The following MYL2 variants were observed in gnomAD, a reference collection of about 807,000 sequenced individuals.
MYL2 encodes the protein myosin light chain 2, also known as myosin regulatory light chain 2, ventricular/cardiac muscle isoform.
MYL2 carries 19 observed loss-of-function variants against 23.0 expected under a neutral mutation model. The observed-to-expected ratio is 0.83, with a 90% CI of 0.58 to 1.21. MYL2 has a LOEUF of 1.21. MYL2 is among the 50% of genes most tolerant of loss of function. The pLI, the probability that MYL2 is intolerant of heterozygous loss-of-function variation, is 0.00. For synonymous variants in MYL2, 78 were observed against 76.2 expected (o/e 1.02, Z -0.13); for missense variants, 180 against 215.1 (o/e 0.84, Z 1.02).
rs2136777091 is a variant in MYL2, at chr12:110,918,945, C to A, written c.93+159G>T. The A allele has an allele frequency of 4.7e-6, 3 of 642,632 alleles. No individual in the cohort carries two copies. Among genetic ancestry groups the A allele is most frequent in the Non-Finnish European group, 8.3e-6 (3 of 363,590 alleles). 39.8% of individuals were successfully genotyped at this position (642,632 alleles called of 1,614,324 possible). On this transcript the variant is annotated intron_variant, in intron 2 of 6. Coordinates refer to ENST00000228841, the MANE Select transcript of MYL2 (RefSeq NM_000432.4). This position sits in a 1 kb window ranked among gnomAD's most constrained non-coding sequence, Gnocchi z 4.4. ...TCAGTGAAAATATTAAAAATAGTTT[C>A]TTTTAAAAATTCACACATCCGTTCA...
chr12:110,911,120 T>C lies in MYL2; in HGVS notation c.458A>G (p.Lys153Arg), dbSNP rs2071648560. Residue 153 changes from lysine to arginine, a missense_variant, in exon 7 of 7, where the codon AAG (lysine) becomes AGG (arginine). Physicochemically the swap from Lys to Arg is conservative, Grantham distance 26. Coordinates refer to ENST00000228841, the MANE Select transcript of MYL2 (RefSeq NM_000432.4). ...GTGGGTGATGATGTGCACCAGGTTC[T>C]TGTAGTCCAAGTTGCCAGTCACGTC... ...PPDVTGNLDY[K>R]NLVHIITHGE... is the part of the protein sequence containing the mutation. 3 of 1,614,010 alleles carry C rather than the reference T, an allele frequency of 1.9e-6. No individual in the cohort carries two copies. Among genetic ancestry groups the C allele is most frequent in the Non-Finnish European group, 2.5e-6 (3 of 1,179,992 alleles).
At position 110,913,000 on chromosome 12, in the gene MYL2, G is replaced by A. The variant is rs1035371234; in HGVS notation, c.402+96C>T. 1.2e-5 allele frequency: 16 copies of A among 1,300,536 alleles called. No individual in the cohort carries two copies. The African/African-American group carries it at 2.2e-4, about 18-fold the overall frequency. 80.6% of individuals were successfully genotyped at this position (1,300,536 alleles called of 1,614,324 possible). On this transcript the variant is annotated intron_variant, in intron 6 of 6. Coordinates refer to ENST00000228841, the MANE Select transcript of MYL2 (RefSeq NM_000432.4). Reference sequence around the variant, plus strand: ...ACGATAGCTGGTTCTCTGTCAGTGTGGGGTCAGGGGTGCTTTAGACGAGAG... The same window carrying A: ...ACGATAGCTGGTTCTCTGTCAGTGTAGGGTCAGGGGTGCTTTAGACGAGAG...
chr12:110,919,493 C>A (rs941766867), intron 1 of MYL2, among the ~76,000 whole-genome samples: 1 of 152,188 alleles, frequency 6.6e-6, no homozygotes, highest in Non-Finnish European at 1.5e-5. Flanking sequence ...GAGGCCACAC[C>A]TTCAGATCGC....
chr12:110,915,679 A>G lies in MYL2; in HGVS notation c.169+36T>C, dbSNP rs749453437. The G allele has an allele frequency of 2.5e-6, 4 of 1,597,104 alleles. No homozygotes were observed. In the South Asian group the frequency reaches 4.4e-5, roughly 18 times the overall value. On this transcript the variant is annotated intron_variant, in intron 3 of 6. Transcript: ENST00000228841. ...CCTGCTCCTCATGGATGTGAGATAA[A>G]GAGACCCTCATGCAGGGCTAGAGAG...
Position 110,918,650 on chromosome 12 carries a change from C to T in MYL2, c.93+454G>A, listed in dbSNP as rs2071701071. Reference sequence around the variant, plus strand: ...ATTATAAACAAATGTCATATTTAACCATAGGAAATGGTTTAAATACATGAT... The same window carrying T: ...ATTATAAACAAATGTCATATTTAACTATAGGAAATGGTTTAAATACATGAT... On this transcript the variant is annotated intron_variant, in intron 2 of 6. Transcript: ENST00000228841. This position sits in a 1 kb window ranked among gnomAD's most constrained non-coding sequence, Gnocchi z 4.4. 6.6e-6 allele frequency among the ~76,000 whole-genome samples: 1 copy of T among 151,804 alleles called. No individual in the cohort carries two copies. Among genetic ancestry groups the T allele is most frequent in the Non-Finnish European group, 1.5e-5 (1 of 67,958 alleles).
At position 110,920,575 on chromosome 12, in the gene MYL2, C is replaced by T. The variant is rs368048109; in HGVS notation, c.-46G>A. 93 of 1,613,936 alleles carry T rather than the reference C, an allele frequency of 5.8e-5. No homozygotes were observed. Among genetic ancestry groups the T allele is most frequent in the Admixed American group, 2.0e-4 (12 of 60,000 alleles). ...GCCTCCCGAGAAGAATTCCACACTC[C>T]GCCCAGCTCTCTGCAGCCCAGGAAC... is the stretch of plus-strand genomic sequence containing the variant. On this transcript the variant is annotated 5_prime_UTR_variant, in exon 1 of 7. Transcript: ENST00000228841.
At chr12:110,920,434 G>A (rs527972619) in intron 1 of MYL2, 93 bp downstream of exon 1, 13 of 1,586,768 alleles carry the variant, frequency 8.2e-6, no homozygotes, top group African/African-American at 1.3e-5. Flanking sequence ...TTTGAGGGCC[G>A]CCTTCCTCCC....
At position 110,918,882 on chromosome 12, in the gene MYL2, C is replaced by T; in HGVS notation, c.93+222G>A. 3.9e-5 allele frequency: 21 copies of T among 536,246 alleles called. No individual in the cohort carries two copies. Among genetic ancestry groups the T allele is most frequent in the South Asian group, 9.8e-5 (4 of 40,650 alleles). The allele number at this position is 536,246 out of a possible 1,614,324, so 33.2% of individuals were successfully genotyped here. On this transcript the variant is annotated intron_variant, in intron 2 of 6. Coordinates refer to ENST00000228841, the MANE Select transcript of MYL2 (RefSeq NM_000432.4). This position sits in a 1 kb window ranked among gnomAD's most constrained non-coding sequence, Gnocchi z 4.4. ...TTCTGTGCTTTTCTGAAAAATTTTCCAACATTTTTCAACATGGAATATGTT... is the reference window on the plus strand; with the variant it reads ...TTCTGTGCTTTTCTGAAAAATTTTCTAACATTTTTCAACATGGAATATGTT...
At chr12:110,912,298 G>GA (rs879354014) in intron 6 of MYL2, among the ~76,000 whole-genome samples, 1,603 of 144,194 alleles carry the variant, frequency 0.011, 25 homozygotes, top group African/African-American at 0.038. Context: ...CACCTGAGTT[G>GA]AAAAAAAAAA....
chr12:110,919,076 AG>A, intron 2 of MYL2, 27 bp downstream of exon 2: 1 of 1,602,440 alleles, frequency 6.2e-7, no homozygotes, highest in Non-Finnish European at 8.6e-7. Flanking sequence ...ATTTCCATCC[AG>A]GCGGATGATT....
chr12:110,919,061 G>A, intron 2 of MYL2, 43 bp downstream of exon 2: 1 of 1,575,890 alleles, frequency 6.3e-7, no homozygotes. Flanking sequence ...TCCCTCGTGG[G>A]TGGGATTTCC....
chr12:110,919,113 T>C lies in MYL2; in HGVS notation c.84A>G (p.Glu28=), dbSNP rs397516410. The change falls in exon 2 of 7, where the codon GAA becomes GAG. Residue 28 remains glutamate (E), a synonymous_variant. Coordinates refer to ENST00000228841, the MANE Select transcript of MYL2 (RefSeq NM_000432.4). ...CAATAGCTGCACCCACCTCCTTAAA[T>C]TCCTGGATTTGGGTCTGTTCGAACA... ...FSMFEQTQIQ[E]FKEAFTIMDQ... is the part of the protein sequence containing the mutation. 1 of 1,613,950 alleles carries C rather than the reference T, an allele frequency of 6.2e-7. No homozygotes were observed. Among genetic ancestry groups the C allele is most frequent in the Non-Finnish European group, 8.5e-7 (1 of 1,179,974 alleles).
chr12:110,913,635 T>G (rs11065769), intron 4 of MYL2, among the ~76,000 whole-genome samples: 11,107 of 152,222 alleles, frequency 0.073, 518 homozygotes, highest in East Asian at 0.21. Context: ...TGTAAACTGG[T>G]GATAAGAATA....
intron 6 of MYL2, among the ~76,000 whole-genome samples, chr12:110,912,335 A>C (rs2071658630): frequency 1.3e-5 from 2 of 151,968 alleles, no homozygotes; most frequent in South Asian, 4.1e-4. Context: ...CTTTACTGCC[A>C]GTTCTGGAAA....
upstream of MYL2, among the ~76,000 whole-genome samples, chr12:110,921,113 C>T (rs1367348900): frequency 1.3e-5 from 2 of 152,228 alleles, no homozygotes; most frequent in African/African-American, 2.4e-5. Flanking sequence ...AATCCCAGCA[C>T]GGCGGGAGGC....
chr12:110,918,877 T>G lies in MYL2; in HGVS notation c.93+227A>C. 2 of 548,830 alleles carry G rather than the reference T, an allele frequency of 3.6e-6. No homozygotes were observed. The highest frequency in any genetic ancestry group is 6.5e-6 in the Non-Finnish European group (2 of 309,088). 34.0% of individuals were successfully genotyped at this position (548,830 alleles called of 1,614,324 possible). A position where few individuals can be genotyped will look rare whatever the true frequency, so the allele number is the denominator to read the frequency against. On this transcript the variant is annotated intron_variant, in intron 2 of 6. Coordinates refer to ENST00000228841, the MANE Select transcript of MYL2 (RefSeq NM_000432.4). This position sits in a 1 kb window ranked among gnomAD's most constrained non-coding sequence, Gnocchi z 4.4. ...TCCTTTTCTGTGCTTTTCTGAAAAATTTTCCAACATTTTTCAACATGGAAT... is the reference window on the plus strand; with the variant it reads ...TCCTTTTCTGTGCTTTTCTGAAAAAGTTTCCAACATTTTTCAACATGGAAT...
chr12:110,919,072 A>G (rs762479350), intron 2 of MYL2, 32 bp downstream of exon 2: 2 of 1,603,512 alleles, frequency 1.2e-6, no homozygotes, highest in South Asian at 1.1e-5. Context: ...TGGGATTTCC[A>G]TCCAGGCGGA....
Position 110,913,147 on chromosome 12 carries a change from G to C in MYL2, c.354-3C>G, listed in dbSNP as rs758158083. The C allele has an allele frequency of 6.2e-7, 1 of 1,614,226 alleles. No homozygotes were observed. The highest frequency in any genetic ancestry group is 1.7e-5 in the Admixed American group (1 of 60,030). On this transcript the variant is annotated splice_region_variant and splice_polypyrimidine_tract_variant and intron_variant, in intron 5 of 6. Transcript: ENST00000228841. ...GCGTGGTCAGCATTTCCCGAACGCT[G>C]CAGAGAAAGGAAAGCAGGTGTTGGT...
intron 4 of MYL2, 88 bp from the exon 5 acceptor site, chr12:110,913,412 T>C (rs1028597869): frequency 2.2e-6 from 3 of 1,363,434 alleles, no homozygotes; most frequent in Non-Finnish European, 3.1e-6. Flanking sequence ...CCCCCAGAGA[T>C]GAAGGGGCCA....
Sources: allele counts gnomAD v4.1 joint callset (sites outside exome capture counted in the v4.1 genomes callset), GRCh38; gene constraint gnomAD v4.1.1; non-coding constraint Gnocchi (gnomAD v3.1); transcripts MANE v1.5; gene names NCBI Gene and HGNC (gene_info 2026-07-23, HGNC 2026-07-21).